ADCY5: variants seen among roughly 807,000 people sequenced by gnomAD.
ADCY5 encodes the protein adenylate cyclase 5.
A neutral mutation model predicts 119.7 loss-of-function variants in ADCY5; 30 were observed. The observed-to-expected ratio is 0.25, with a 90% confidence interval of 0.19 to 0.34. The LOEUF (loss-of-function observed/expected upper bound fraction) is 0.34, where lower values mean the gene tolerates loss of function less well. Among genes scored for constraint, ADCY5 ranks in the 10% least tolerant of loss-of-function variants. The probability of loss-of-function intolerance (pLI) is 1.00; values close to 1 mark genes in which losing one functional copy is unlikely to be tolerated. For synonymous variants in ADCY5, 753 were observed against 762.2 expected, an observed-to-expected ratio of 0.99 and a Z score of 0.20; for missense variants, 1,324 against 1,775.2, an observed-to-expected ratio of 0.75 and a Z score of 4.57.
chr3:123,379,074 C>T (rs1159889216), intron 1 of ADCY5, among the ~76,000 whole-genome samples: 1 of 152,164 alleles, frequency 6.6e-6, no homozygotes, highest in Non-Finnish European at 1.5e-5. Flanking sequence ...TCCACGAAGG[C>T]TGAGATTCTC....
intron 1 of ADCY5, among the ~76,000 whole-genome samples, chr3:123,443,444 C>T (rs1442555113): frequency 3.3e-5 from 5 of 152,180 alleles, no homozygotes; most frequent in Non-Finnish European, 5.9e-5. Flanking sequence ...GGGTCAGCCT[C>T]ATACCAGATA....
intron 1 of ADCY5, among the ~76,000 whole-genome samples, chr3:123,374,806 G>A (rs1048417669): frequency 2.0e-5 from 3 of 152,206 alleles, no homozygotes; most frequent in Non-Finnish European, 4.4e-5. Context: ...TTCTATAAGG[G>A]AAGTACTGGC....
Position 123,286,658 on chromosome 3 carries a change from AG to A in ADCY5, c.3657+26del. On this transcript the variant is annotated intron_variant, in intron 20 of 20. Coordinates refer to ENST00000462833, the MANE Select transcript of ADCY5 (RefSeq NM_183357.3). This position sits in a 1 kb window ranked among gnomAD's most constrained non-coding sequence, Gnocchi z 4.2. ...CAGACACAGGACCTCCCATGGGGTG[AG>A]GGGTGGTGGATGCTCCTGCACTCAC... 1.3e-6 allele frequency: 2 copies of A among 1,584,182 alleles called. No homozygotes were observed. Among genetic ancestry groups the A allele is most frequent in the Non-Finnish European group, 8.6e-7 (1 of 1,167,396 alleles).
intron 19 of ADCY5, among the ~76,000 whole-genome samples, chr3:123,287,601 A>G (rs1938865541): frequency 1.3e-5 from 2 of 152,050 alleles, no homozygotes; most frequent in Admixed American, 6.5e-5. Flanking sequence ...CACAAGCTCC[A>G]AACTAGGCCC....
rs1559830728 is a variant in ADCY5, at chr3:123,352,978, C to T, written c.1135-397G>A. 2.0e-5 allele frequency among the ~76,000 whole-genome samples: 3 copies of T among 152,126 alleles called. No homozygotes were observed. The highest frequency in any genetic ancestry group is 1.3e-4 in the Admixed American group (2 of 15,286). On this transcript the variant is annotated intron_variant, in intron 1 of 20. Coordinates refer to ENST00000462833, the MANE Select transcript of ADCY5 (RefSeq NM_183357.3). This position sits in a 1 kb window ranked among gnomAD's most constrained non-coding sequence, Gnocchi z 4.8. ...TCACTTTTGAAAGTGTGATAGAGTC[C>T]AGTACAGGACAAGGGGCCACCCTCC...
rs561858470 is a variant in ADCY5 at position 123,308,785 on chromosome 3, T to C, written c.2443-4602A>G. Among the ~76,000 whole-genome samples, 271 of 152,218 alleles carry C rather than the reference T, an allele frequency of 1.8e-3. 4 individuals are homozygous for C. The highest frequency in any genetic ancestry group is 0.01 in the Middle Eastern group (3 of 294). The stretch of plus-strand genomic sequence containing the variant: ...CGGAGCTTGCAGTGAGCCGAGATCG[T>C]GCCACTGCACTCCAGCCTGGGCAAC... On this transcript the variant is annotated intron_variant, in intron 12 of 20. Coordinates refer to ENST00000462833, the MANE Select transcript of ADCY5 (RefSeq NM_183357.3).
intron 18 of ADCY5, among the ~76,000 whole-genome samples, chr3:123,290,330 G>A (rs781287314): frequency 3.9e-5 from 6 of 152,108 alleles, no homozygotes; most frequent in Non-Finnish European, 5.9e-5. Context: ...CCCTGGCCCC[G>A]GCCCTCCTGG....
rs1458350835 is a variant in ADCY5, at chr3:123,331,000, C to T, written c.1535G>A (p.Arg512His). ...ATAACAATCCCCAAGGATCTTAATA[C>T]GTAAACAGTGATTCTCCTGGAAAGC... ...DKLAAENHCL[R>H]IKILGDCYYC... The change falls in exon 5 of 21, where the codon CGT becomes CAT. Residue 512 changes from arginine to histidine, a missense_variant. Arg to His is a conservative substitution (Grantham distance 29). Transcript: ENST00000462833. 2 of 1,612,428 alleles carry T rather than the reference C, an allele frequency of 1.2e-6. No individual in the cohort carries two copies. The highest frequency in any genetic ancestry group is 1.7e-5 in the Admixed American group (1 of 59,600).
chr3:123,339,348 G>C (rs1368820844), intron 3 of ADCY5, among the ~76,000 whole-genome samples: 1 of 152,182 alleles, frequency 6.6e-6, no homozygotes, highest in Non-Finnish European at 1.5e-5. Context: ...AGCACAATCA[G>C]GTGTGGTCTT....
At position 123,347,892 on chromosome 3, in the gene ADCY5, C is replaced by G; in HGVS notation, c.1296G>C (p.Leu432=). The change falls in exon 3 of 21, where the codon CTG becomes CTC. Residue 432 remains leucine (L), a synonymous_variant. Transcript: ENST00000462833. Reference sequence around the variant, plus strand: ...CAACATGACGGGGAAGGACAGACAGCAGGAGCCGTTCCTGCAGAGGGAAGC... The same window carrying G: ...CAACATGACGGGGAAGGACAGACAGGAGGAGCCGTTCCTGCAGAGGGAAGC... ...QRENQQQERL[L]LSVLPRHVAM... 1.2e-6 allele frequency: 2 copies of G among 1,614,142 alleles called. No individual in the cohort carries two copies. The highest frequency in any genetic ancestry group is 1.7e-6 in the Non-Finnish European group (2 of 1,180,008).
At chr3:123,428,261 G>C (rs1945452359) in intron 1 of ADCY5, among the ~76,000 whole-genome samples, 1 of 152,202 alleles carries the variant, frequency 6.6e-6, no homozygotes, top group Non-Finnish European at 1.5e-5. Flanking sequence ...TGATCTTGCT[G>C]TACAGACAAG....
chr3:123,300,290 G>C lies in ADCY5; in HGVS notation c.2730C>G (p.Phe910Leu), dbSNP rs1307941288. ...GCAGGCTGAGCAGCACGCTGTAGGT[G>C]AAGTACTGCGGGCAGAGGGCAGCAG... ...PWPNCNFPEY[F>L]TYSVLLSLLA... is the part of the protein sequence containing the mutation. Residue 910 changes from phenylalanine (F) to leucine (L), a missense_variant, in exon 15 of 21, where the codon TTC becomes TTG. Around this residue, in one of 6 missense-constraint regions of ADCY5, gnomAD observed 424 missense variants for 546.8 expected, o/e 0.78. Transcript: ENST00000462833. 1 of 1,613,164 alleles carries C rather than the reference G, an allele frequency of 6.2e-7. No individual in the cohort carries two copies. The highest frequency in any genetic ancestry group is 1.1e-5 in the South Asian group (1 of 91,066).
chr3:123,387,157 A>T (rs1056127927), intron 1 of ADCY5, among the ~76,000 whole-genome samples: 8 of 152,244 alleles, frequency 5.3e-5, no homozygotes, highest in African/African-American at 1.9e-4. Flanking sequence ...ATGTAGATAC[A>T]CACAGACACA....
intron 1 of ADCY5, among the ~76,000 whole-genome samples, chr3:123,390,952 T>A (rs1370562724): frequency 1.4e-5 from 2 of 141,754 alleles, no homozygotes; most frequent in East Asian, 4.1e-4. Flanking sequence ...TTCCCTGGAA[T>A]AAGGTGCCTA....
intron 3 of ADCY5, among the ~76,000 whole-genome samples, chr3:123,347,075 T>G (rs1047030692): frequency 1.3e-5 from 2 of 152,102 alleles, no homozygotes; most frequent in Admixed American, 6.6e-5. Flanking sequence ...CTCGGGGACC[T>G]TGAGCCCTTG....
intron 2 of ADCY5, among the ~76,000 whole-genome samples, chr3:123,350,567 G>T (rs896221510): frequency 1.3e-5 from 2 of 152,188 alleles, no homozygotes; most frequent in South Asian, 2.1e-4. Context: ...GCAGGGGGCC[G>T]CTGAGGAACA....
chr3:123,326,594 G>A (rs1941497121), intron 7 of ADCY5, among the ~76,000 whole-genome samples: 1 of 152,162 alleles, frequency 6.6e-6, no homozygotes, highest in Non-Finnish European at 1.5e-5. Flanking sequence ...GGAGGACCCA[G>A]TTCATTGATA....
chr3:123,366,041 C>T (rs1333076094), intron 1 of ADCY5, among the ~76,000 whole-genome samples: 1 of 152,108 alleles, frequency 6.6e-6, no homozygotes, highest in African/African-American at 2.4e-5. Flanking sequence ...ACAAAACGCA[C>T]TGGAGTCTGA....
At chr3:123,408,021 GT>G (rs1381739018) in intron 1 of ADCY5, among the ~76,000 whole-genome samples, 3 of 151,908 alleles carry the variant, frequency 2.0e-5, no homozygotes, top group Non-Finnish European at 2.9e-5. Context: ...TTAAAGCGTG[GT>G]TTTTTAGAAA....
Sources: allele counts gnomAD v4.1 joint callset (sites outside exome capture counted in the v4.1 genomes callset), GRCh38; gene constraint gnomAD v4.1.1; regional missense constraint gnomAD v4.1.1; non-coding constraint Gnocchi (gnomAD v3.1); transcripts MANE v1.5; gene names NCBI Gene and HGNC (gene_info 2026-07-23, HGNC 2026-07-21).